The following VPS13C variants were observed in gnomAD, a reference collection of about 807,000 sequenced individuals.
VPS13C encodes the protein intermembrane lipid transfer protein VPS13C.
In VPS13C, 358 loss-of-function variants were observed where a neutral mutation model predicts 456.8. That is an observed-to-expected ratio of 0.78 (90% CI 0.72 to 0.86). The LOEUF (loss-of-function observed/expected upper bound fraction) is 0.86, where lower values mean the gene tolerates loss of function less well. VPS13C is among the 40% of genes least tolerant of loss of function. The pLI is 0.00. For synonymous variants in VPS13C, 1,578 were observed against 1,486.7 expected (o/e 1.06, Z -1.41); for missense variants, 4,818 against 4,385.4 (o/e 1.10, Z -2.79).
At chr15:62,018,122 T>C (rs2047325025) in intron 9 of VPS13C, among the ~76,000 whole-genome samples, 1 of 152,190 alleles carries the variant, frequency 6.6e-6, no homozygotes, top group Non-Finnish European at 1.5e-5. Context: ...CTTGTGATTT[T>C]TGCACATTGA....
chr15:62,045,972 T>G lies in VPS13C; in HGVS notation c.101-1717A>C, dbSNP rs547249405. Among the ~76,000 whole-genome samples the G allele has an allele frequency of 6.6e-5, 10 of 152,278 alleles. No homozygotes were observed. In the East Asian group the frequency reaches 1.3e-3, roughly 21 times the overall value. ...TATATATGCACAAGTGTGTGTGCATTCCACACATACATAGAAAAAAATAAA... is the reference window on the plus strand; with the variant it reads ...TATATATGCACAAGTGTGTGTGCATGCCACACATACATAGAAAAAAATAAA... On this transcript the variant is annotated intron_variant, in intron 1 of 84. Coordinates refer to ENST00000644861, the MANE Select transcript of VPS13C (RefSeq NM_020821.3).
chr15:61,998,245 A>G (rs895181451), intron 16 of VPS13C, among the ~76,000 whole-genome samples: 19 of 152,174 alleles, frequency 1.2e-4, no homozygotes, highest in African/African-American at 4.6e-4. Flanking sequence ...TTTCCTTGTT[A>G]GTGAGGCTTT....
At chr15:61,951,368 C>A (rs1307005863) in intron 39 of VPS13C, among the ~76,000 whole-genome samples, 2 of 151,874 alleles carry the variant, frequency 1.3e-5, no homozygotes, top group Admixed American at 1.3e-4. Flanking sequence ...TAAAGATATC[C>A]CATAGAGTTC....
rs754864762 is a variant in VPS13C at position 61,880,911 on chromosome 15, G to T, written c.9820C>A (p.Gln3274Lys). 3 of 1,609,884 alleles carry T rather than the reference G, an allele frequency of 1.9e-6. No individual in the cohort carries two copies. In the Admixed American group the frequency reaches 5.0e-5, roughly 27 times the overall value. Reference sequence around the variant, plus strand: ...GCAATAATAGCTCCTAGAAACCCTTGATCAATTTTTAAGGCCATTTCCTGA... The same window carrying T: ...GCAATAATAGCTCCTAGAAACCCTTTATCAATTTTTAAGGCCATTTCCTGA... The part of the protein sequence containing the change: ...LIQEMALKID[Q>K]GFLGAIIALF... The change falls in exon 72 of 85, where the codon CAA becomes AAA. Residue 3274 changes from glutamine to lysine, a missense_variant. Physicochemically the swap from Gln to Lys is moderately conservative, Grantham distance 53. Coordinates refer to ENST00000644861, the MANE Select transcript of VPS13C (RefSeq NM_020821.3).
At chr15:62,020,611 G>A in intron 8 of VPS13C, 73 bp from the exon 9 acceptor site, 1 of 1,462,842 alleles carries the variant, frequency 6.8e-7, no homozygotes, top group Non-Finnish European at 9.5e-7. Flanking sequence ...ACAATAGGCA[G>A]CAGAGGGAAA....
chr15:61,957,013 G>A (rs1213016484), intron 37 of VPS13C, among the ~76,000 whole-genome samples: 1 of 152,036 alleles, frequency 6.6e-6, no homozygotes, highest in Non-Finnish European at 1.5e-5. Context: ...AACATTCATA[G>A]CAATTTCATT....
intron 18 of VPS13C, among the ~76,000 whole-genome samples, chr15:61,987,409 G>A (rs937583929): frequency 6.6e-6 from 1 of 152,150 alleles, no homozygotes; most frequent in Non-Finnish European, 1.5e-5. Flanking sequence ...AGAAGGCAAG[G>A]GAAGAGCAAA....
intron 18 of VPS13C, among the ~76,000 whole-genome samples, chr15:61,985,900 T>G (rs2046036187): frequency 6.6e-6 from 1 of 151,906 alleles, no homozygotes; most frequent in East Asian, 1.9e-4. Flanking sequence ...GGGTCAAAAT[T>G]GGAAATCAGT....
At chr15:61,902,884 GA>G (rs71125957) in intron 66 of VPS13C, among the ~76,000 whole-genome samples, 73,721 of 128,198 alleles carry the variant, frequency 0.58, 19,114 homozygotes, top group Admixed American at 0.65. Context: ...ATCCAAATTT[GA>G]AAAAAAAAAA....
At chr15:61,868,161 A>T (rs975309409) in intron 81 of VPS13C, among the ~76,000 whole-genome samples, 4 of 152,136 alleles carry the variant, frequency 2.6e-5, no homozygotes, top group African/African-American at 9.6e-5. Context: ...AATATAATCA[A>T]GTTAAAACTA....
intron 28 of VPS13C, among the ~76,000 whole-genome samples, chr15:61,968,718 A>C (rs955902207): frequency 6.6e-6 from 1 of 152,130 alleles, no homozygotes; most frequent in African/African-American, 2.4e-5. Flanking sequence ...TATGACAATC[A>C]GAGTTTCTGA....
At chr15:61,904,773 T>C (rs1307467533) in intron 66 of VPS13C, among the ~76,000 whole-genome samples, 1 of 152,128 alleles carries the variant, frequency 6.6e-6, no homozygotes, top group African/African-American at 2.4e-5. Flanking sequence ...ATGTGCTATA[T>C]ATACAGAATG....
At chr15:61,989,218 C>T (rs28403096) in intron 18 of VPS13C, among the ~76,000 whole-genome samples, 9,916 of 150,080 alleles carry the variant, frequency 0.066, 649 homozygotes, top group African/African-American at 0.17. Context: ...TGGCAAAACC[C>T]TGTCTCTACA....
chr15:62,045,285 G>T (rs1488849227), intron 1 of VPS13C, among the ~76,000 whole-genome samples: 1 of 145,830 alleles, frequency 6.9e-6, no homozygotes. Flanking sequence ...TACTTTTAAT[G>T]GCAAAAATGC....
chr15:61,998,926 T>A (rs866687308), intron 16 of VPS13C, among the ~76,000 whole-genome samples: 1 of 152,248 alleles, frequency 6.6e-6, no homozygotes, highest in Non-Finnish European at 1.5e-5. Context: ...CACTTTCTTA[T>A]AATTTTCTTA....
chr15:62,009,521 C>T (rs2046973242), intron 13 of VPS13C, among the ~76,000 whole-genome samples: 1 of 152,072 alleles, frequency 6.6e-6, no homozygotes, highest in South Asian at 2.1e-4. Context: ...CTCATTATAA[C>T]TTTTTACATT....
chr15:62,005,685 T>C (rs1439124830), intron 15 of VPS13C, among the ~76,000 whole-genome samples: 3 of 151,660 alleles, frequency 2.0e-5, no homozygotes, highest in Non-Finnish European at 4.4e-5. Flanking sequence ...TTAGTGCTTA[T>C]TTTTTTTATT....
intron 53 of VPS13C, among the ~76,000 whole-genome samples, chr15:61,925,193 C>A (rs1281732197): frequency 6.6e-6 from 1 of 151,840 alleles, no homozygotes; most frequent in African/African-American, 2.4e-5. Flanking sequence ...TCAACCCCCA[C>A]AACACACGCA....
At chr15:61,972,543 T>G in intron 27 of VPS13C, 82 bp downstream of exon 27, 9 of 1,476,126 alleles carry the variant, frequency 6.1e-6, no homozygotes, top group Non-Finnish European at 8.3e-6. Context: ...TTAATATACT[T>G]GACATTTGGG....
Sources: gnomAD v4.1 joint callset for allele counts (sites outside exome capture counted in the v4.1 genomes callset) on GRCh38, gnomAD v4.1.1 for gene constraint, MANE v1.5 for transcripts, NCBI Gene and HGNC (gene_info 2026-07-23, HGNC 2026-07-21) for gene names.